The following DSC1 variants were observed in gnomAD, a reference collection of about 807,000 sequenced individuals.
The protein encoded by DSC1 is desmocollin 1.
In DSC1, 79 loss-of-function variants were observed where a neutral mutation model predicts 98.8. The ratio of observed to expected loss-of-function variants is 0.80; its 90% confidence interval spans 0.67 to 0.96. The LOEUF (loss-of-function observed/expected upper bound fraction) is 0.96. Among genes scored for constraint, DSC1 ranks in the 50% least tolerant of loss-of-function variants. The pLI is 0.00. For synonymous variants in DSC1, 405 were observed against 372.1 expected (o/e 1.09, Z -1.02); for missense variants, 1,115 against 1,075.9 (o/e 1.04, Z -0.51).
chr18:31,142,004 C>G lies in DSC1; in HGVS notation c.1255G>C (p.Val419Leu), dbSNP rs777877655. Residue 419 changes from valine (V) to leucine (L), a missense_variant, in exon 9 of 16, where the codon GTC becomes CTC. Transcript: ENST00000257198. ...PNTNEGVLCV[V>L]KPLNYEVNRQ... ...TGATTATTTTATTTGTTTACCTTGA[C>G]AACACACAGCACTCCTTCATTTGTA... 23 of 1,598,762 alleles carry G rather than the reference C, an allele frequency of 1.4e-5. No homozygotes were observed. The highest frequency in any genetic ancestry group is 1.7e-5 in the Non-Finnish European group (20 of 1,176,314).
chr18:31,132,535 G>A lies in DSC1; in HGVS notation c.2238+33C>T, dbSNP rs12455683. 1.1e-3 allele frequency: 1,769 copies of A among 1,608,778 alleles called. 25 individuals carry two copies. In the Admixed American group the frequency reaches 0.025, roughly 23 times the overall value. The stretch of plus-strand genomic sequence containing the variant: ...AATAATCTGTCATCATTTGTTCACC[G>A]TACAATTCAAAGGGATGTGAAATCT... On this transcript the variant is annotated intron_variant, in intron 14 of 15. Transcript: ENST00000257198.
In DSC1 at chr18:31,158,774, A is replaced by G. The variant is rs972386623; in HGVS notation, c.148+671T>C. Reference sequence around the variant, plus strand: ...TTATTGGGGGCATTTAGATTTTGAGACATCCATTTCATGTCTAATCAATTG... The same window carrying G: ...TTATTGGGGGCATTTAGATTTTGAGGCATCCATTTCATGTCTAATCAATTG... On this transcript the variant is annotated intron_variant, in intron 2 of 15. Transcript: ENST00000257198. 3.3e-5 allele frequency among the ~76,000 whole-genome samples: 5 copies of G among 152,144 alleles called. 1 individual carries two copies. The highest frequency in any genetic ancestry group is 9.7e-5 in the African/African-American group (4 of 41,434).
chr18:31,145,017 G>A (rs1335191516), intron 7 of DSC1, among the ~76,000 whole-genome samples: 1 of 146,272 alleles, frequency 6.8e-6, no homozygotes, highest in African/African-American at 2.6e-5. Flanking sequence ...TCGGCTCACT[G>A]CAAGCTCCGC....
intron 1 of DSC1, among the ~76,000 whole-genome samples, chr18:31,162,163 T>A (rs183602986): frequency 6.6e-6 from 1 of 152,332 alleles, no homozygotes; most frequent in Non-Finnish European, 1.5e-5. Flanking sequence ...GAACTCAGCA[T>A]GTTAAATAAC....
At chr18:31,138,069 G>T (rs1326100668) in intron 11 of DSC1, among the ~76,000 whole-genome samples, 4 of 151,618 alleles carry the variant, frequency 2.6e-5, no homozygotes, top group Non-Finnish European at 5.9e-5. Flanking sequence ...ACTAAAATGT[G>T]TAACATCCTT....
intron 14 of DSC1, 44 bp from the exon 15 acceptor site, chr18:31,131,886 A>C (rs778929740): frequency 1.2e-6 from 2 of 1,604,384 alleles, no homozygotes; most frequent in African/African-American, 1.3e-5. Flanking sequence ...GAAAAATGGA[A>C]ACTAACAATT....
At chr18:31,134,502 A>T in intron 12 of DSC1, 70 bp downstream of exon 12, 1 of 1,222,264 alleles carries the variant, frequency 8.2e-7, no homozygotes, top group Non-Finnish European at 1.1e-6. Context: ...TTATTATGAT[A>T]AACTAAGGTG....
chr18:31,134,070 A>G lies in DSC1; in HGVS notation c.1937T>C (p.Ile646Thr), dbSNP rs777197751. 6.2e-7 allele frequency: 1 copy of G among 1,611,216 alleles called. No homozygotes were observed. Among genetic ancestry groups the G allele is most frequent in the Non-Finnish European group, 8.5e-7 (1 of 1,179,538 alleles). ...NLDYNYYSVP[I>T]QIKDRHGLVA... ...TAAACCATGCCTGTCTTTTATTTGAATAGGCACAGAATAATAGTTATAATC... is the reference window on the plus strand; with the variant it reads ...TAAACCATGCCTGTCTTTTATTTGAGTAGGCACAGAATAATAGTTATAATC... Residue 646 changes from isoleucine to threonine, a missense_variant, in exon 13 of 16, where the codon ATT (isoleucine) becomes ACT (threonine). Transcript: ENST00000257198.
At chr18:31,154,553 C>T (rs1033635820) in intron 5 of DSC1, among the ~76,000 whole-genome samples, 30 of 152,014 alleles carry the variant, frequency 2.0e-4, no homozygotes, top group African/African-American at 7.2e-4. Context: ...CTTTAAAATT[C>T]CATCGTTATA....
At chr18:31,132,870 T>C (rs750631446) in intron 13 of DSC1, among the ~76,000 whole-genome samples, 181 bp from the exon 14 acceptor site, 3 of 152,146 alleles carry the variant, frequency 2.0e-5, no homozygotes, top group South Asian at 2.1e-4. Flanking sequence ...CTTAGAGAGA[T>C]TAATAATAGC....
At chr18:31,138,048 T>A (rs1281222376) in intron 11 of DSC1, among the ~76,000 whole-genome samples, 8 of 151,946 alleles carry the variant, frequency 5.3e-5, no homozygotes, top group Non-Finnish European at 7.4e-5. Context: ...CATATCACTA[T>A]ATGGTTTTTC....
intron 11 of DSC1, among the ~76,000 whole-genome samples, chr18:31,138,340 T>C (rs953633014): frequency 6.6e-6 from 1 of 152,142 alleles, no homozygotes; most frequent in African/African-American, 2.4e-5. Flanking sequence ...AGGTCTTAAC[T>C]GATCGCCACT....
At chr18:31,138,209 CAA>C (rs949953851) in intron 11 of DSC1, among the ~76,000 whole-genome samples, 2 of 152,024 alleles carry the variant, frequency 1.3e-5, no homozygotes, top group Non-Finnish European at 2.9e-5. Flanking sequence ...CACCAAAAAA[CAA>C]AGTTACTTTT....
In DSC1 at chr18:31,130,677, T is replaced by G; in HGVS notation, c.2522A>C (p.Lys841Thr). Reference sequence around the variant, plus strand: ...CGAACAAACGTAGTCTTCACAATGTTTATGCTCCTCATCTTGTCCACACAA... The same window carrying G: ...CGAACAAACGTAGTCTTCACAATGTGTATGCTCCTCATCTTGTCCACACAA... ...VYLCGQDEEH[K>T]HCEDYVCSYN... is the part of the protein sequence containing the mutation. The change falls in exon 16 of 16, where the codon AAA becomes ACA. Residue 841 changes from lysine to threonine, a missense_variant. By Grantham distance (78) the Lys-to-Thr change is moderately conservative (BLOSUM62 -1). Transcript: ENST00000257198. 6.2e-7 allele frequency: 1 copy of G among 1,614,178 alleles called. No individual in the cohort carries two copies. Among genetic ancestry groups the G allele is most frequent in the South Asian group, 1.1e-5 (1 of 91,088 alleles).
chr18:31,148,719 A>C (rs983328548), intron 5 of DSC1, 77 bp from the exon 6 acceptor site: 68 of 1,366,400 alleles, frequency 5.0e-5, no homozygotes, highest in Non-Finnish European at 5.8e-5. Context: ...CAGTGGGGGA[A>C]AATGTAACAT....
At position 31,139,726 on chromosome 18, in the gene DSC1, A is replaced by T. The variant is rs534535281; in HGVS notation, c.1663+22T>A. On this transcript the variant is annotated intron_variant, in intron 11 of 15. Transcript: ENST00000257198. ...AAAACATGTCATATATTTATATTTTATCTGTAGAAAATGGCACTCACCTGC... is the reference window on the plus strand; with the variant it reads ...AAAACATGTCATATATTTATATTTTTTCTGTAGAAAATGGCACTCACCTGC... The T allele has an allele frequency of 5.8e-6, 9 of 1,550,968 alleles. No homozygotes were observed. The African/African-American group carries it at 6.9e-5, about 12-fold the overall frequency.
At chr18:31,137,181 A>AT (rs1190972692) in intron 11 of DSC1, among the ~76,000 whole-genome samples, 2 of 152,164 alleles carry the variant, frequency 1.3e-5, no homozygotes, top group Admixed American at 6.6e-5. Flanking sequence ...AAAGATTTAA[A>AT]TTTTTAATTA....
rs756105374 is a variant in DSC1 at position 31,156,153 on chromosome 18, T to C, written c.361A>G (p.Lys121Glu). Residue 121 changes from lysine (K) to glutamate (E), a missense_variant, in exon 4 of 16, where the codon AAG (lysine) becomes GAG (glutamate). Physicochemically the swap from Lys to Glu is moderately conservative, Grantham distance 56. Transcript: ENST00000257198. ...AGGGCTGTGTCTTTGGTATGTCTCT[T>C]CTTAGGAGACTACATTTGACAAGAA... Reference protein sequence around the residue: ...LSARENKSPKKRHTKDTALKR... With the variant: ...LSARENKSPKERHTKDTALKR... 5 of 1,607,564 alleles carry C rather than the reference T, an allele frequency of 3.1e-6. No homozygotes were observed. The highest frequency in any genetic ancestry group is 4.2e-6 in the Non-Finnish European group (5 of 1,178,598).
chr18:31,148,421 C>T (rs2577067), intron 6 of DSC1, 77 bp downstream of exon 6: 919,709 of 1,419,538 alleles, frequency 0.65, 300,983 homozygotes, highest in East Asian at 0.8. Flanking sequence ...AATGATAAAA[C>T]GTAAACATCT....
Sources: gnomAD v4.1 joint callset for allele counts (sites outside exome capture counted in the v4.1 genomes callset) on GRCh38, gnomAD v4.1.1 for gene constraint, MANE v1.5 for transcripts, NCBI Gene and HGNC (gene_info 2026-07-23, HGNC 2026-07-21) for gene names.